Variants in LIN28B observed in about 807,000 individuals in gnomAD.
The protein encoded by LIN28B is lin-28 RNA binding posttranscriptional regulator B, also known as protein lin-28 homolog B.
In LIN28B, 5 loss-of-function variants were observed where a neutral mutation model predicts 21.9. The ratio of observed to expected loss-of-function variants is 0.23; its 90% CI spans 0.12 to 0.48. LIN28B has a LOEUF of 0.48. Among genes scored for constraint, LIN28B ranks in the 20% least tolerant of loss-of-function variants. LIN28B has a pLI of 0.98. For synonymous variants in LIN28B, 109 were observed against 111.3 expected (o/e 0.98, Z 0.13); for missense variants, 245 against 310.5 (o/e 0.79, Z 1.58).
At chr6:105,018,558 C>T (rs117492298) in intron 2 of LIN28B, among the ~76,000 whole-genome samples, 1 of 152,170 alleles carries the variant, frequency 6.6e-6, no homozygotes, top group East Asian at 1.9e-4. Flanking sequence ...ATGGTATAGA[C>T]CCCTCCTTTG....
intron 2 of LIN28B, among the ~76,000 whole-genome samples, chr6:104,971,372 A>C (rs1327193269): frequency 6.6e-6 from 1 of 152,154 alleles, no homozygotes; most frequent in African/African-American, 2.4e-5. Flanking sequence ...CTTAAAAGAC[A>C]ATGATATTTG....
At chr6:104,995,076 A>G (rs1770571758) in intron 2 of LIN28B, among the ~76,000 whole-genome samples, 1 of 152,192 alleles carries the variant, frequency 6.6e-6, no homozygotes, top group South Asian at 2.1e-4. Context: ...AGTATAATGC[A>G]TATATTTCAA....
At chr6:105,016,939 G>A (rs1335684143) in intron 2 of LIN28B, among the ~76,000 whole-genome samples, 1 of 151,686 alleles carries the variant, frequency 6.6e-6, no homozygotes, top group Non-Finnish European at 1.5e-5. Context: ...TGGGTGTGGT[G>A]GTACACACCT....
At chr6:105,060,163 A>G (rs1174390151) in intron 3 of LIN28B, among the ~76,000 whole-genome samples, 7 of 152,174 alleles carry the variant, frequency 4.6e-5, no homozygotes, top group African/African-American at 7.2e-5. Context: ...TTGGCCTCCC[A>G]AAGTGCTGGG....
At chr6:105,048,515 G>T (rs1277311654) in intron 3 of LIN28B, among the ~76,000 whole-genome samples, 2 of 152,142 alleles carry the variant, frequency 1.3e-5, no homozygotes, top group Non-Finnish European at 2.9e-5. Flanking sequence ...TTGGTATCAG[G>T]ATGATGCCGG....
intron 2 of LIN28B, among the ~76,000 whole-genome samples, chr6:105,025,189 A>G (rs754806271): frequency 1.7e-4 from 26 of 152,182 alleles, no homozygotes; most frequent in Non-Finnish European, 1.9e-4. Context: ...GACTTGAACT[A>G]AGGACTTCTA....
intron 2 of LIN28B, among the ~76,000 whole-genome samples, chr6:104,980,583 C>T (rs984649992): frequency 1.3e-5 from 2 of 152,012 alleles, no homozygotes; most frequent in South Asian, 2.1e-4. Context: ...CAGGGTCTGT[C>T]GTGTGTTACA....
chr6:105,063,049 TG>T, intron 3 of LIN28B, among the ~76,000 whole-genome samples: 1 of 152,298 alleles, frequency 6.6e-6, no homozygotes, highest in East Asian at 1.9e-4. Context: ...TGTTGCATGA[TG>T]ACATCCTGTA....
intron 2 of LIN28B, among the ~76,000 whole-genome samples, chr6:104,978,394 G>C (rs1355035200): frequency 1.3e-5 from 2 of 152,114 alleles, no homozygotes; most frequent in African/African-American, 4.8e-5. Flanking sequence ...TGAAATGGGA[G>C]AGACCTGTGT....
chr6:105,019,624 G>A (rs910944955), intron 2 of LIN28B, among the ~76,000 whole-genome samples: 1 of 152,178 alleles, frequency 6.6e-6, no homozygotes, highest in Non-Finnish European at 1.5e-5. Context: ...ATGTGTGTAA[G>A]CAGAGTTTCT....
rs201833741 is a variant in LIN28B, at chr6:105,026,515, T to G, written c.383+33T>G. On this transcript the variant is annotated intron_variant, in intron 3 of 3. Coordinates refer to ENST00000345080, the MANE Select transcript of LIN28B (RefSeq NM_001004317.4). ...TTTTTACTTTGTTAATTTATCAGTT[T>G]ATTGTGTTTGGAAAGGATTTCTGAA... 1.3e-4 allele frequency: 186 copies of G among 1,396,794 alleles called. No homozygotes were observed. In the African/African-American group the frequency reaches 2.5e-3, roughly 19 times the overall value. The allele number at this position is 1,396,794 out of a possible 1,614,324, so 86.5% of individuals were successfully genotyped here.
At position 105,048,347 on chromosome 6, in the gene LIN28B, C is replaced by T. The variant is rs1166075517; in HGVS notation, c.383+21865C>T. 2.0e-5 allele frequency among the ~76,000 whole-genome samples: 3 copies of T among 152,298 alleles called. No homozygotes were observed. In the East Asian group the frequency reaches 5.8e-4, roughly 29 times the overall value. ...TATTGATTTGCATATGTTGAACCAG[C>T]CTTGCATCCCAGGGATGAAGCCCAT... On this transcript the variant is annotated intron_variant, in intron 3 of 3. Transcript: ENST00000345080.
intron 3 of LIN28B, among the ~76,000 whole-genome samples, chr6:105,035,970 T>G (rs1771513344): frequency 6.6e-6 from 1 of 152,144 alleles, no homozygotes; most frequent in Non-Finnish European, 1.5e-5. Context: ...AAAAATAGTT[T>G]TAAAAGATGG....
rs1772521863 is a variant in LIN28B at position 105,080,421 on chromosome 6, T to C, written c.*1638T>C. 1 of 152,562 alleles carries C rather than the reference T, an allele frequency of 6.6e-6. No homozygotes were observed. Among genetic ancestry groups the C allele is most frequent in the Non-Finnish European group, 1.5e-5 (1 of 68,048 alleles). 9.5% of individuals were successfully genotyped at this position (152,562 alleles called of 1,614,324 possible). On this transcript the variant is annotated 3_prime_UTR_variant, in exon 4 of 4. Coordinates refer to ENST00000345080, the MANE Select transcript of LIN28B (RefSeq NM_001004317.4). The stretch of plus-strand genomic sequence containing the variant: ...ATTCTGCTGAACAGTTTCTACTTCC[T>C]CTCCCGCCTGTCCTGTCATGGGAGA...
intron 2 of LIN28B, 68 bp downstream of exon 2, chr6:104,958,354 C>A: frequency 8.2e-7 from 1 of 1,225,652 alleles, no homozygotes. Context: ...GTAGTTATGC[C>A]AATAGACGTA....
At chr6:105,033,739 T>C (rs1304986250) in intron 3 of LIN28B, among the ~76,000 whole-genome samples, 1 of 151,876 alleles carries the variant, frequency 6.6e-6, no homozygotes, top group African/African-American at 2.4e-5. Context: ...AATGTTATAT[T>C]TCTTCTATAA....
intron 3 of LIN28B, among the ~76,000 whole-genome samples, chr6:105,032,512 C>T (rs573115288): frequency 6.6e-6 from 1 of 152,130 alleles, no homozygotes; most frequent in African/African-American, 2.4e-5. Flanking sequence ...ATTGCTTGAG[C>T]CCAGAAGTTT....
chr6:104,976,063 C>T (rs1770088150), intron 2 of LIN28B, among the ~76,000 whole-genome samples: 1 of 151,990 alleles, frequency 6.6e-6, no homozygotes, highest in South Asian at 2.1e-4. Flanking sequence ...GCAGTGTCAC[C>T]CCAGGGTAGT....
intron 2 of LIN28B, among the ~76,000 whole-genome samples, chr6:104,946,689 G>A (rs555678973): frequency 2.0e-5 from 3 of 152,144 alleles, no homozygotes; most frequent in South Asian, 2.1e-4. Flanking sequence ...ATTTTAAAAC[G>A]TTTTCTCTTG....
Sources: gnomAD v4.1 joint callset for allele counts (sites outside exome capture counted in the v4.1 genomes callset) on GRCh38, gnomAD v4.1.1 for gene constraint, MANE v1.5 for transcripts, NCBI Gene and HGNC (gene_info 2026-07-23, HGNC 2026-07-21) for gene names.